The following KIAA1217 variants were observed in gnomAD, a reference collection of about 807,000 sequenced individuals.
The protein encoded by KIAA1217 is sickle tail protein homolog.
Under a neutral mutation model 163.9 loss-of-function variants are expected in KIAA1217, and 88 were observed. The ratio of observed to expected loss-of-function variants is 0.54; its 90% CI spans 0.45 to 0.64. KIAA1217 has a LOEUF of 0.64. Among genes scored for constraint, KIAA1217 ranks in the 30% least tolerant of loss-of-function variants. The pLI is 0.00. For missense variants in KIAA1217, 2,372 were observed against 2,475.0 expected, an observed-to-expected ratio of 0.96 and a Z score of 0.88; for synonymous variants, 903 against 923.1, an observed-to-expected ratio of 0.98 and a Z score of 0.39.
At chr10:23,891,030 T>G (rs1841395277) in intron 1 of KIAA1217, among the ~76,000 whole-genome samples, 2 of 151,990 alleles carry the variant, frequency 1.3e-5, no homozygotes, top group Admixed American at 1.3e-4. Context: ...TGAAGACCAT[T>G]TTGGTATTTT....
At chr10:24,054,366 T>A (rs1248053534) in intron 2 of KIAA1217, among the ~76,000 whole-genome samples, 7 of 152,254 alleles carry the variant, frequency 4.6e-5, no homozygotes, top group Middle Eastern at 6.8e-3. Flanking sequence ...TTTAAAGCCA[T>A]GGGATTGGAT....
At chr10:24,538,423 A>T (rs1218935743) in intron 17 of KIAA1217, among the ~76,000 whole-genome samples, 3 of 152,086 alleles carry the variant, frequency 2.0e-5, no homozygotes, top group Non-Finnish European at 4.4e-5. Context: ...CACACCTGTA[A>T]TCCCAGCATT....
chr10:23,953,845 G>A (rs150829068), intron 1 of KIAA1217, among the ~76,000 whole-genome samples: 17 of 152,266 alleles, frequency 1.1e-4, no homozygotes, highest in African/African-American at 3.1e-4. Flanking sequence ...GAAACTCCAC[G>A]GCTGACCTCT....
intron 1 of KIAA1217, among the ~76,000 whole-genome samples, chr10:23,792,659 A>AT (rs1438210637): frequency 9.5e-5 from 14 of 146,940 alleles, no homozygotes; most frequent in Non-Finnish European, 1.8e-4. Context: ...CGCCCGGCTA[A>AT]TTTTTTGTAT....
intron 1 of KIAA1217, among the ~76,000 whole-genome samples, chr10:23,801,354 G>T (rs7900015): frequency 6.6e-4 from 100 of 152,148 alleles, no homozygotes; most frequent in African/African-American, 2.0e-3. Context: ...GAGGGATAGC[G>T]TTAGGATTAA....
chr10:24,544,393 A>T lies in KIAA1217; in HGVS notation c.5123A>T (p.Gln1708Leu), dbSNP rs759784271. 8 of 1,614,046 alleles carry T rather than the reference A, an allele frequency of 5.0e-6. No homozygotes were observed. The highest frequency in any genetic ancestry group is 6.8e-6 in the Non-Finnish European group (8 of 1,180,024). ...DSVASSSHIA[Q>L]EASPRPLLVP... ...GTTGCAAGTTCATCCCACATAGCCC[A>T]AGAGGCCTCTCCCCGACCCTTGCTA... The change falls in exon 19 of 21, where the codon CAA (glutamine) becomes CTA (leucine). Residue 1708 changes from glutamine (Q) to leucine (L), a missense_variant. Gln to Leu is a moderately radical substitution (Grantham distance 113, BLOSUM62 -2). This residue lies in a region of KIAA1217 where 690 missense variants were observed against 677.5 expected (regional missense o/e 1.02). Coordinates refer to ENST00000376454, the MANE Select transcript of KIAA1217 (RefSeq NM_019590.5).
chr10:23,698,955 T>C (rs1334971492), intron 1 of KIAA1217, among the ~76,000 whole-genome samples: 1 of 152,218 alleles, frequency 6.6e-6, no homozygotes, highest in Non-Finnish European at 1.5e-5. Flanking sequence ...TGGCTACTTT[T>C]TGTAGGCACA....
At chr10:23,935,057 T>G (rs1330598531) in intron 1 of KIAA1217, among the ~76,000 whole-genome samples, 1 of 152,178 alleles carries the variant, frequency 6.6e-6, no homozygotes, top group African/African-American at 2.4e-5. Context: ...CTGTTCATAT[T>G]ACCTCCATCA....
intron 2 of KIAA1217, among the ~76,000 whole-genome samples, chr10:24,267,726 G>C (rs1023501049): frequency 6.6e-6 from 1 of 152,196 alleles, no homozygotes; most frequent in Non-Finnish European, 1.5e-5. Context: ...TGCTTAATAT[G>C]AGTAATCATG....
intron 2 of KIAA1217, among the ~76,000 whole-genome samples, chr10:24,313,446 C>G (rs749873283): frequency 6.6e-6 from 1 of 152,118 alleles, no homozygotes; most frequent in Non-Finnish European, 1.5e-5. Flanking sequence ...TAGCAGAGCA[C>G]GGGACCCATC....
chr10:23,959,911 C>CTT (rs1326171008), intron 1 of KIAA1217, among the ~76,000 whole-genome samples: 1,251 of 106,166 alleles, frequency 0.012, 28 homozygotes, highest in African/African-American at 0.034. Flanking sequence ...TCATAGACTT[C>CTT]TTTTTTTTTT....
At chr10:23,907,318 G>A (rs1842203658) in intron 1 of KIAA1217, among the ~76,000 whole-genome samples, 1 of 151,618 alleles carries the variant, frequency 6.6e-6, no homozygotes, top group Non-Finnish European at 1.5e-5. Flanking sequence ...GTGTGTGTGT[G>A]TATGAGAGAG....
chr10:23,718,176 C>T (rs1443630349), intron 1 of KIAA1217, among the ~76,000 whole-genome samples: 2 of 152,198 alleles, frequency 1.3e-5, no homozygotes, highest in African/African-American at 4.8e-5. Flanking sequence ...TTTGCACCAA[C>T]CTAATATGTG....
intron 3 of KIAA1217, among the ~76,000 whole-genome samples, chr10:24,414,549 T>G (rs962740048): frequency 6.6e-6 from 1 of 152,160 alleles, no homozygotes; most frequent in African/African-American, 2.4e-5. Flanking sequence ...ACAATTGTCG[T>G]TTTGATCATG....
intron 3 of KIAA1217, among the ~76,000 whole-genome samples, chr10:24,397,106 C>CTGTTTTTTTT (rs1200787890): frequency 7.2e-6 from 1 of 138,212 alleles, no homozygotes; most frequent in Non-Finnish European, 1.6e-5. Flanking sequence ...ATGTAAGAAA[C>CTGTTTTTTTT]TCTTTTTTTT....
At chr10:23,699,513 G>T (rs185120079) in intron 1 of KIAA1217, among the ~76,000 whole-genome samples, 1 of 152,320 alleles carries the variant, frequency 6.6e-6, no homozygotes, top group East Asian at 1.9e-4. Context: ...ACTCCATAAA[G>T]TGAGCATGTG....
chr10:23,919,052 G>A (rs1318669504), intron 1 of KIAA1217, among the ~76,000 whole-genome samples: 1 of 152,112 alleles, frequency 6.6e-6, no homozygotes, highest in Non-Finnish European at 1.5e-5. Context: ...TTCAGTCTGA[G>A]ATGTTGAAAG....
intron 1 of KIAA1217, among the ~76,000 whole-genome samples, chr10:23,934,577 A>ATATGTATATATATATATATG (rs1843413371): frequency 1.7e-5 from 1 of 57,914 alleles, no homozygotes; most frequent in Admixed American, 1.9e-4. Context: ...ATATATATAT[A>ATATGTATATATATATATATG]TATATATATA....
chr10:24,091,073 T>TA (rs1284850735), intron 2 of KIAA1217, among the ~76,000 whole-genome samples: 1 of 151,938 alleles, frequency 6.6e-6, no homozygotes, highest in Non-Finnish European at 1.5e-5. Flanking sequence ...CCACAGTAAG[T>TA]ACTTCTGTAT....
Sources: allele counts gnomAD v4.1 joint callset (sites outside exome capture counted in the v4.1 genomes callset), GRCh38; gene constraint gnomAD v4.1.1; regional missense constraint gnomAD v4.1.1; transcripts MANE v1.5; gene names NCBI Gene and HGNC (gene_info 2026-07-23, HGNC 2026-07-21).